Variants in SAMD12 observed in about 807,000 individuals in gnomAD.
SAMD12 encodes sterile alpha motif domain-containing protein 12.
SAMD12 carries 9 observed loss-of-function variants against 15.0 expected under a neutral mutation model. The observed-to-expected ratio is 0.60, with a 90% CI of 0.36 to 1.05. The LOEUF is 1.05. Ranked by LOEUF, SAMD12 falls within the 50% of genes least tolerant of loss-of-function variation. The pLI is 0.01. For missense variants in SAMD12, 230 were observed against 234.2 expected (o/e 0.98, Z 0.12); for synonymous variants, 86 against 90.1 (o/e 0.96, Z 0.25).
chr8:118,451,254 G>A (rs1334241141), intron 2 of SAMD12, among the ~76,000 whole-genome samples: 2 of 152,150 alleles, frequency 1.3e-5, no homozygotes, highest in Non-Finnish European at 1.5e-5. Context: ...GATTAGAGAT[G>A]CGAGCTATCT....
chr8:118,326,161 C>T (rs1545925), intron 4 of SAMD12, among the ~76,000 whole-genome samples: 71,786 of 152,018 alleles, frequency 0.47, 18,775 homozygotes, highest in African/African-American at 0.72. Context: ...TATGTATATA[C>T]TTATGAATTA....
intron 2 of SAMD12, among the ~76,000 whole-genome samples, chr8:118,443,018 G>A (rs1822805053): frequency 6.6e-6 from 1 of 152,124 alleles, no homozygotes; most frequent in Non-Finnish European, 1.5e-5. Flanking sequence ...AGCCCACCAT[G>A]TATGCTTTTG....
At chr8:118,182,776 G>C in the SAMD12 span, among the ~76,000 whole-genome samples, 1 of 152,068 alleles carries the variant, frequency 6.6e-6, no homozygotes, top group African/African-American at 2.4e-5. Flanking sequence ...TTTTGAGAGC[G>C]ACAGCACAAA....
chr8:118,141,830 G>A, the SAMD12 span, among the ~76,000 whole-genome samples: 1 of 152,202 alleles, frequency 6.6e-6, no homozygotes, highest in Non-Finnish European at 1.5e-5. Flanking sequence ...TAAATCTTCA[G>A]AACCAAATGC....
At chr8:118,201,961 T>A (rs1374095860) in intron 4 of SAMD12, among the ~76,000 whole-genome samples, 2 of 152,228 alleles carry the variant, frequency 1.3e-5, no homozygotes, top group Non-Finnish European at 2.9e-5. Context: ...AGGGAAGCAC[T>A]GGAGTCTAGT....
At chr8:118,446,208 C>CTT (rs199946506) in intron 2 of SAMD12, among the ~76,000 whole-genome samples, 13 of 135,048 alleles carry the variant, frequency 9.6e-5, no homozygotes, top group African/African-American at 2.7e-4. Flanking sequence ...GTTGTAGTGT[C>CTT]TTTTTTTTTT....
At chr8:118,256,645 T>C (rs1451190582) in intron 4 of SAMD12, among the ~76,000 whole-genome samples, 1 of 152,008 alleles carries the variant, frequency 6.6e-6, no homozygotes. Flanking sequence ...ATAAAGATAA[T>C]GATTCAAATC....
chr8:118,478,127 A>G (rs1348224354), intron 2 of SAMD12, among the ~76,000 whole-genome samples: 1 of 152,144 alleles, frequency 6.6e-6, no homozygotes, highest in Admixed American at 6.5e-5. Context: ...CCAATTACCT[A>G]AATATAAATC....
intron 2 of SAMD12, among the ~76,000 whole-genome samples, chr8:118,478,588 C>G (rs190091836): frequency 2.0e-5 from 3 of 152,204 alleles, no homozygotes; most frequent in Non-Finnish European, 4.4e-5. Context: ...TTGTGGCAAG[C>G]GAGGCACAAA....
chr8:118,150,081 G>A, the SAMD12 span, among the ~76,000 whole-genome samples: 1 of 152,166 alleles, frequency 6.6e-6, no homozygotes, highest in East Asian at 1.9e-4. Flanking sequence ...AACAGAAGAG[G>A]TGCTACTGCG....
At chr8:118,141,617 G>A in the SAMD12 span, among the ~76,000 whole-genome samples, 1 of 152,224 alleles carries the variant, frequency 6.6e-6, no homozygotes, top group Admixed American at 6.5e-5. Context: ...AGGTTAAGGA[G>A]GGAGAAATGG....
intron 2 of SAMD12, among the ~76,000 whole-genome samples, chr8:118,557,741 C>A (rs1401223022): frequency 6.6e-6 from 1 of 152,116 alleles, no homozygotes; most frequent in Non-Finnish European, 1.5e-5. Flanking sequence ...AACACAAGGA[C>A]CTTTGTAAAG....
At chr8:118,364,361 C>A (rs1401983106) in intron 4 of SAMD12, among the ~76,000 whole-genome samples, 1 of 152,118 alleles carries the variant, frequency 6.6e-6, no homozygotes, top group Non-Finnish European at 1.5e-5. Flanking sequence ...GAAGACATAA[C>A]CTGCAAGTTT....
intron 2 of SAMD12, among the ~76,000 whole-genome samples, chr8:118,516,641 T>C (rs1825253020): frequency 6.6e-6 from 1 of 150,910 alleles, no homozygotes; most frequent in African/African-American, 2.4e-5. Flanking sequence ...TTTCTTTCTT[T>C]TTTTTTTTTT....
exon 5 of SAMD12, chr8:118,192,530 TG>T (rs746553165): frequency 4.6e-5 from 7 of 152,162 alleles, no homozygotes; most frequent in Non-Finnish European, 7.4e-5. Context: ...ACTCTGCACA[TG>T]AGGCAAAAAG....
chr8:118,584,360 T>C (rs969783441), intron 1 of SAMD12, among the ~76,000 whole-genome samples: 2 of 152,212 alleles, frequency 1.3e-5, no homozygotes, highest in Admixed American at 1.3e-4. Context: ...TCTTTGCTTG[T>C]GTCAAAGGTG....
intron 2 of SAMD12, among the ~76,000 whole-genome samples, chr8:118,451,174 A>G (rs1317784831): frequency 6.6e-6 from 1 of 152,228 alleles, no homozygotes; most frequent in Non-Finnish European, 1.5e-5. Flanking sequence ...CCAGGTCTGC[A>G]GTAATTTCAA....
At chr8:118,414,697 T>C (rs937753821) in intron 3 of SAMD12, among the ~76,000 whole-genome samples, 17 of 152,152 alleles carry the variant, frequency 1.1e-4, no homozygotes, top group Admixed American at 8.5e-4. Flanking sequence ...ATATTAGTCA[T>C]AAAAAATTGG....
At chr8:118,237,105 T>A (rs1437110715) in intron 4 of SAMD12, among the ~76,000 whole-genome samples, 1 of 152,192 alleles carries the variant, frequency 6.6e-6, no homozygotes, top group Non-Finnish European at 1.5e-5. Flanking sequence ...CTGGGTTAGA[T>A]GGTTAATTAT....
Sources: gnomAD v4.1 joint callset for allele counts (sites outside exome capture counted in the v4.1 genomes callset) on GRCh38, gnomAD v4.1.1 for gene constraint, MANE v1.5 for transcripts, NCBI Gene and HGNC (gene_info 2026-07-23, HGNC 2026-07-21) for gene names.